The following LRBA variants were observed in gnomAD, a reference collection of about 807,000 sequenced individuals.
LRBA encodes LPS responsive beige-like anchor protein.
A neutral mutation model predicts 330.0 loss-of-function variants in LRBA; 176 were observed. The observed-to-expected ratio is 0.53, with a 90% CI of 0.47 to 0.60. LRBA has a LOEUF of 0.60. Among genes scored for constraint, LRBA ranks in the 20% least tolerant of loss-of-function variants. The probability of loss-of-function intolerance (pLI) is 0.00; values close to 1 mark genes in which losing one functional copy is unlikely to be tolerated. For missense variants in LRBA, 3,259 were observed against 3,444.8 expected, an observed-to-expected ratio of 0.95 and a Z score of 1.35; for synonymous variants, 1,230 against 1,193.0, an observed-to-expected ratio of 1.03 and a Z score of -0.64.
chr4:150,969,994 C>G (rs1456354483), intron 2 of LRBA, among the ~76,000 whole-genome samples: 1 of 152,126 alleles, frequency 6.6e-6, no homozygotes, highest in Non-Finnish European at 1.5e-5. Context: ...AAAGATCAGT[C>G]AATGGGGCAA....
chr4:150,931,685 T>C (rs1489505565), intron 2 of LRBA, among the ~76,000 whole-genome samples: 1 of 151,714 alleles, frequency 6.6e-6, no homozygotes, highest in Non-Finnish European at 1.5e-5. Flanking sequence ...GAAGATTGCT[T>C]GAGCCCAGGA....
chr4:150,265,998 T>TGACA (rs1233413322), intron 56 of LRBA, among the ~76,000 whole-genome samples, 186 bp from the exon 57 acceptor site: 4 of 152,112 alleles, frequency 2.6e-5, no homozygotes, highest in Non-Finnish European at 5.9e-5. Flanking sequence ...GTACTGCCTC[T>TGACA]GACACTCCAC....
At chr4:150,616,253 A>C (rs1479773054) in intron 37 of LRBA, among the ~76,000 whole-genome samples, 1 of 152,196 alleles carries the variant, frequency 6.6e-6, no homozygotes, top group African/African-American at 2.4e-5. Context: ...CAGACTTTCA[A>C]GCAAGTGACC....
chr4:150,703,248 C>A (rs908286719), intron 36 of LRBA, among the ~76,000 whole-genome samples: 3 of 152,152 alleles, frequency 2.0e-5, no homozygotes, highest in African/African-American at 7.2e-5. Flanking sequence ...TGCTAGGGAA[C>A]AAAGTGATTA....
chr4:150,821,943 T>C (rs1745500467), intron 30 of LRBA, among the ~76,000 whole-genome samples: 1 of 152,188 alleles, frequency 6.6e-6, no homozygotes, highest in South Asian at 2.1e-4. Flanking sequence ...TGGAAGTTGA[T>C]AATACTTAAG....
chr4:150,874,801 G>A (rs1052344814), intron 17 of LRBA, among the ~76,000 whole-genome samples: 2 of 152,034 alleles, frequency 1.3e-5, no homozygotes, highest in Non-Finnish European at 2.9e-5. Flanking sequence ...CCACTCCCAC[G>A]GACTAGCAAC....
intron 41 of LRBA, among the ~76,000 whole-genome samples, chr4:150,490,086 T>G (rs1047662683): frequency 1.2e-4 from 18 of 151,678 alleles, no homozygotes; most frequent in African/African-American, 2.7e-4. Flanking sequence ...AGAATAATGT[T>G]TAGATTAGAA....
intron 22 of LRBA, among the ~76,000 whole-genome samples, chr4:150,858,773 T>A (rs1751530241): frequency 6.6e-6 from 1 of 152,160 alleles, no homozygotes; most frequent in Admixed American, 6.5e-5. Context: ...GTGATCCACC[T>A]GCCTCAGCCT....
chr4:150,784,436 T>C (rs548108487), intron 34 of LRBA, among the ~76,000 whole-genome samples: 1 of 152,326 alleles, frequency 6.6e-6, no homozygotes, highest in Admixed American at 6.5e-5. Context: ...TTGCCCCACA[T>C]GATCCTGGCA....
At chr4:150,285,048 A>C (rs2085724) in intron 54 of LRBA, among the ~76,000 whole-genome samples, 94,322 of 152,018 alleles carry the variant, frequency 0.62, 29,981 homozygotes, top group South Asian at 0.82. Context: ...TTATAGAATT[A>C]TTGCTATCAT....
rs148207828 is a variant in LRBA at position 150,681,388 on chromosome 4, T to C, written c.5921+2163A>G. ...ATACATTTTTGTCAGCTACATTTTC[T>C]TACATGGACCTTAAAAGGAACATTA... On this transcript the variant is annotated intron_variant, in intron 37 of 56. Transcript: ENST00000651943. 3.4e-3 allele frequency among the ~76,000 whole-genome samples: 525 copies of C among 152,274 alleles called. 2 individuals are homozygous for C. The highest frequency in any genetic ancestry group is 0.012 in the African/African-American group (499 of 41,552).
At chr4:150,493,272 C>G (rs1341070154) in intron 40 of LRBA, among the ~76,000 whole-genome samples, 1 of 152,206 alleles carries the variant, frequency 6.6e-6, no homozygotes, top group Non-Finnish European at 1.5e-5. Flanking sequence ...GCATGGGCCA[C>G]TACACCTGGC....
rs751485504 is a variant in LRBA, at chr4:150,471,619, G to C, written c.6667+5C>G. 1.4e-6 allele frequency: 2 copies of C among 1,470,836 alleles called. No individual in the cohort carries two copies. The highest frequency in any genetic ancestry group is 2.8e-5 in the African/African-American group (2 of 70,574). The allele number at this position is 1,470,836 out of a possible 1,614,324, so 91.1% of individuals were successfully genotyped here. ...AAAATAAATCAATACATGGAATTAG[G>C]TTACCTGCTATCGTGTTGAGAAACA... On this transcript the variant is annotated splice_donor_5th_base_variant and intron_variant, in intron 43 of 56. Coordinates refer to ENST00000651943, the MANE Select transcript of LRBA (RefSeq NM_001364905.1).
chr4:150,515,601 T>C (rs1420464668), intron 40 of LRBA, among the ~76,000 whole-genome samples: 1 of 152,016 alleles, frequency 6.6e-6, no homozygotes, highest in Non-Finnish European at 1.5e-5. Flanking sequence ...TTATCACCAG[T>C]CAAATTGCAA....
At chr4:150,544,126 T>C (rs1048030929) in intron 40 of LRBA, among the ~76,000 whole-genome samples, 1 of 151,702 alleles carries the variant, frequency 6.6e-6, no homozygotes, top group African/African-American at 2.4e-5. Flanking sequence ...ATTCTTCCTT[T>C]CTTTTTTTTT....
At chr4:150,467,814 T>C in intron 43 of LRBA, 29 bp from the exon 44 acceptor site, 1 of 1,048,642 alleles carries the variant, frequency 9.5e-7, no homozygotes. Context: ...ACTCGTAATT[T>C]ATAATTTTAA....
chr4:150,528,104 TG>T (rs1197644696), intron 40 of LRBA, among the ~76,000 whole-genome samples: 2 of 152,192 alleles, frequency 1.3e-5, no homozygotes, highest in Non-Finnish European at 2.9e-5. Context: ...GATGCTTGAA[TG>T]ATGACCATTA....
intron 42 of LRBA, among the ~76,000 whole-genome samples, chr4:150,487,043 AC>A (rs1561244896): frequency 1.1e-4 from 17 of 151,796 alleles, no homozygotes; most frequent in Admixed American, 5.9e-4. Flanking sequence ...CAGCTGATGT[AC>A]ACTTACGTTG....
At chr4:150,350,762 A>G (rs1201009990) in intron 47 of LRBA, among the ~76,000 whole-genome samples, 1 of 152,302 alleles carries the variant, frequency 6.6e-6, no homozygotes, top group East Asian at 1.9e-4. Flanking sequence ...TTTGTAACTC[A>G]GGGCCTGACA....
Sources: gnomAD v4.1 joint callset for allele counts (sites outside exome capture counted in the v4.1 genomes callset) on GRCh38, gnomAD v4.1.1 for gene constraint, MANE v1.5 for transcripts, NCBI Gene and HGNC (gene_info 2026-07-23, HGNC 2026-07-21) for gene names.